Variants in PCDHA3 observed in about 807,000 individuals in gnomAD.
The protein encoded by PCDHA3 is protocadherin alpha-3.
PCDHA3 carries 41 observed loss-of-function variants against 62.2 expected under a neutral mutation model. That is an observed-to-expected ratio of 0.66 (90% confidence interval 0.51 to 0.86). The LOEUF is 0.86. PCDHA3 is among the 40% of genes least tolerant of loss of function. PCDHA3 has a pLI of 0.00. For synonymous variants in PCDHA3, 640 were observed against 555.4 expected (o/e 1.15, Z -2.14); for missense variants, 1,304 against 1,241.2 (o/e 1.05, Z -0.76).
chr5:140,864,004 A>G (rs1042382501), intron 1 of PCDHA3: 4 of 153,124 alleles, frequency 2.6e-5, no homozygotes, highest in Non-Finnish European at 4.4e-5. Context: ...CTGTCTTAAA[A>G]AAAAAAGTAC....
At chr5:140,862,678 C>T (rs1490436756) in intron 1 of PCDHA3, 1 of 550,784 alleles carries the variant, frequency 1.8e-6, no homozygotes, top group Non-Finnish European at 3.6e-6. Context: ...GGAGAACGTG[C>T]TGGTGTCCTA....
intron 1 of PCDHA3, chr5:140,877,318 G>T (rs1193928342): frequency 1.9e-6 from 3 of 1,614,000 alleles, no homozygotes; most frequent in Non-Finnish European, 2.5e-6. Context: ...ACCGGCGGCG[G>T]TCGGCGCGCA....
chr5:140,986,826 A>G (rs902801115), intron 3 of PCDHA3, among the ~76,000 whole-genome samples: 1 of 152,178 alleles, frequency 6.6e-6, no homozygotes, highest in Non-Finnish European at 1.5e-5. Flanking sequence ...GGTTTAGACA[A>G]TGGTTCTCAA....
At chr5:140,926,783 C>T (rs1230665699) in intron 1 of PCDHA3, 2 of 1,410,186 alleles carry the variant, frequency 1.4e-6, no homozygotes, top group Non-Finnish European at 1.8e-6. Flanking sequence ...CAGTGACGGC[C>T]GGCAGGAGCG....
intron 1 of PCDHA3, chr5:140,809,568 C>T: frequency 1.2e-6 from 2 of 1,605,148 alleles, no homozygotes; most frequent in Non-Finnish European, 1.7e-6. Context: ...GAATCCTTTG[C>T]AAAGGTTAGT....
At chr5:140,976,250 A>C (rs1420287471) in intron 1 of PCDHA3, among the ~76,000 whole-genome samples, 1 of 152,144 alleles carries the variant, frequency 6.6e-6, no homozygotes, top group Non-Finnish European at 1.5e-5. Flanking sequence ...ATGTAAATTT[A>C]TTTAAAACAC....
At chr5:140,902,615 G>A in intron 1 of PCDHA3, among the ~76,000 whole-genome samples, 1 of 152,010 alleles carries the variant, frequency 6.6e-6, no homozygotes, top group East Asian at 1.9e-4. Context: ...AGTTACATGG[G>A]TAAGTTATTT....
At chr5:140,883,922 C>T in intron 1 of PCDHA3, 1 of 1,613,240 alleles carries the variant, frequency 6.2e-7, no homozygotes, top group Non-Finnish European at 8.5e-7. Context: ...CGTGACGCTG[C>T]AGGTGTTCGT....
intron 1 of PCDHA3, among the ~76,000 whole-genome samples, chr5:140,909,441 C>A (rs971678951): frequency 2.6e-5 from 4 of 152,214 alleles, no homozygotes; most frequent in African/African-American, 9.7e-5. Flanking sequence ...AATCCACTGT[C>A]ATTCTCCAAG....
At chr5:140,884,722 T>C in intron 1 of PCDHA3, 2 of 1,460,382 alleles carry the variant, frequency 1.4e-6, no homozygotes, top group South Asian at 3.0e-5. Flanking sequence ...TGCAGTTGTT[T>C]GTTTAAGACA....
At chr5:140,894,740 AT>A (rs1157881854) in intron 1 of PCDHA3, among the ~76,000 whole-genome samples, 3 of 150,972 alleles carry the variant, frequency 2.0e-5, no homozygotes, top group Non-Finnish European at 3.0e-5. Flanking sequence ...AATTTGTGGA[AT>A]TTTTTTTCTT....
At chr5:140,936,351 T>C (rs2090932385) in intron 1 of PCDHA3, among the ~76,000 whole-genome samples, 1 of 152,246 alleles carries the variant, frequency 6.6e-6, no homozygotes, top group African/African-American at 2.4e-5. Flanking sequence ...ATATATGGAA[T>C]GTGTAGCTAC....
chr5:140,945,659 G>C (rs2093824580), intron 1 of PCDHA3, among the ~76,000 whole-genome samples: 1 of 152,090 alleles, frequency 6.6e-6, no homozygotes, highest in Non-Finnish European at 1.5e-5. Context: ...GCAGAATACA[G>C]CTCCCAGAAA....
intron 1 of PCDHA3, chr5:140,883,292 G>C (rs1352359327): frequency 6.2e-7 from 1 of 1,613,946 alleles, no homozygotes; most frequent in Non-Finnish European, 8.5e-7. Flanking sequence ...GGAAGTACTA[G>C]ATGTAAATGA....
At chr5:140,892,592 C>T (rs1053889046) in intron 1 of PCDHA3, among the ~76,000 whole-genome samples, 2 of 152,214 alleles carry the variant, frequency 1.3e-5, no homozygotes, top group Admixed American at 6.5e-5. Context: ...TATTCATTCA[C>T]CTATTTTTTT....
chr5:140,836,075 A>G (rs2150252045), intron 1 of PCDHA3: 15 of 1,613,656 alleles, frequency 9.3e-6, no homozygotes, highest in South Asian at 2.2e-5. Context: ...ACGCGCCGGC[A>G]CTGCTGGCGC....
In PCDHA3 at chr5:141,010,490, A is replaced by C; in HGVS notation, c.*553A>C. 1.6e-6 allele frequency: 1 copy of C among 640,034 alleles called. No individual in the cohort carries two copies. The highest frequency in any genetic ancestry group is 2.4e-6 in the Non-Finnish European group (1 of 411,150). The allele number at this position is 640,034 out of a possible 1,614,324, so 39.6% of individuals were successfully genotyped here. On this transcript the variant is annotated 3_prime_UTR_variant, in exon 4 of 4. Coordinates refer to ENST00000522353, the MANE Select transcript of PCDHA3 (RefSeq NM_018906.3). ...GGAGGGGAAGTGTAAACTTAAAGGG[A>C]CCAGACTTTCTAAATCTTACAACTC...
rs1229103510 is a variant in PCDHA3, at chr5:140,850,051, C to T, written c.2394+46460C>T. The T allele has an allele frequency of 6.3e-6, 10 of 1,596,302 alleles. 1 individual carries two copies. The highest frequency in any genetic ancestry group is 7.7e-6 in the Non-Finnish European group (9 of 1,167,790). Reference sequence around the variant, plus strand: ...CACGCGGAGAGCGGCAAGGTGTACGCGCTGCAGCCGTTGGACCACGAGGAG... The same window carrying T: ...CACGCGGAGAGCGGCAAGGTGTACGTGCTGCAGCCGTTGGACCACGAGGAG... On this transcript the variant is annotated intron_variant, in intron 1 of 3. Coordinates refer to ENST00000522353, the MANE Select transcript of PCDHA3 (RefSeq NM_018906.3).
At position 140,801,058 on chromosome 5, in the gene PCDHA3, T is replaced by C. The variant is rs1027075969; in HGVS notation, c.-140T>C. 7.6e-6 allele frequency: 11 copies of C among 1,449,882 alleles called. No individual in the cohort carries two copies. In the African/African-American group the frequency reaches 1.4e-4, roughly 19 times the overall value. The allele number at this position is 1,449,882 out of a possible 1,614,324, so 89.8% of individuals were successfully genotyped here. On this transcript the variant is annotated 5_prime_UTR_variant, in exon 1 of 4. Transcript: ENST00000522353. ...TCCACAAAAGAAATAACAGCGTGCA[T>C]TACGTATTCAGATACTGCTTTGCTT...
Sources: gnomAD v4.1 joint callset for allele counts (sites outside exome capture counted in the v4.1 genomes callset) on GRCh38, gnomAD v4.1.1 for gene constraint, MANE v1.5 for transcripts, NCBI Gene and HGNC (gene_info 2026-07-23, HGNC 2026-07-21) for gene names.